Variants in IWS1 observed in about 807,000 individuals in gnomAD.
IWS1 encodes protein IWS1 homolog.
A neutral mutation model predicts 86.7 loss-of-function variants in IWS1; 27 were observed. That is an observed-to-expected ratio of 0.31 (90% CI 0.23 to 0.43). The LOEUF (loss-of-function observed/expected upper bound fraction) is 0.43. Ranked by LOEUF, IWS1 falls within the 20% of genes least tolerant of loss-of-function variation. The pLI is 1.00. For missense variants in IWS1, 827 were observed against 1,000.8 expected, an observed-to-expected ratio of 0.83 and a Z score of 2.34; for synonymous variants, 313 against 335.1, an observed-to-expected ratio of 0.93 and a Z score of 0.72.
Position 127,486,601 on chromosome 2 carries a change from C to G in IWS1, c.2280G>C (p.Lys760Asn). ...ARARVPMPSN[K>N]DYVVRPKWNV... The stretch of plus-strand genomic sequence containing the variant: ...TCCATTTGGGCCTGACAACATAGTC[C>G]TTGTTTGAAGGCATTGGGACCCTTG... The change falls in exon 13 of 14, where the codon AAG becomes AAC. Residue 760 changes from lysine to asparagine, a missense_variant. Physicochemically the swap from Lys to Asn is moderately conservative, Grantham distance 94. Coordinates refer to ENST00000295321, the MANE Select transcript of IWS1 (RefSeq NM_017969.3). 6.2e-7 allele frequency: 1 copy of G among 1,614,102 alleles called. No individual in the cohort carries two copies. The highest frequency in any genetic ancestry group is 8.5e-7 in the Non-Finnish European group (1 of 1,179,990).
At chr2:127,516,610 A>C (rs149722073) in intron 2 of IWS1, among the ~76,000 whole-genome samples, 10 of 152,170 alleles carry the variant, frequency 6.6e-5, no homozygotes, top group Non-Finnish European at 1.5e-4. Context: ...AAAATTTTAA[A>C]ATTAGCCAGG....
intron 13 of IWS1, among the ~76,000 whole-genome samples, chr2:127,484,980 G>A (rs1247765869): frequency 6.7e-6 from 1 of 149,542 alleles, no homozygotes; most frequent in African/African-American, 2.4e-5. Context: ...CTGGGCGACA[G>A]AGCAAGACTC....
At chr2:127,490,017 G>A (rs1690140771) in intron 10 of IWS1, 74 bp from the exon 11 acceptor site, 3 of 796,500 alleles carry the variant, frequency 3.8e-6, no homozygotes, top group Non-Finnish European at 6.7e-6. Context: ...TTGCACCCCA[G>A]TGTGAGGGGA....
intron 13 of IWS1, chr2:127,482,782 G>A (rs544292572): frequency 1.2e-4 from 19 of 152,226 alleles, no homozygotes; most frequent in Non-Finnish European, 2.4e-4. Context: ...ACAGACCAGA[G>A]TACCTCATAC....
intron 6 of IWS1, among the ~76,000 whole-genome samples, chr2:127,497,415 CT>C (rs1333569715): frequency 8.5e-5 from 13 of 152,302 alleles, no homozygotes; most frequent in Admixed American, 8.5e-4. Context: ...AAATAAACTG[CT>C]GCTTTTCAGT....
At chr2:127,498,081 A>G in intron 6 of IWS1, 59 bp downstream of exon 6, 1 of 1,311,196 alleles carries the variant, frequency 7.6e-7, no homozygotes. Flanking sequence ...AGAGAGTTTA[A>G]TAGTCTCTAC....
chr2:127,493,667 G>A (rs1469060796), intron 8 of IWS1, among the ~76,000 whole-genome samples: 2 of 151,572 alleles, frequency 1.3e-5, no homozygotes, highest in African/African-American at 4.9e-5. Context: ...AATTAATGCT[G>A]ATATGAATGG....
At position 127,502,863 on chromosome 2, in the gene IWS1, A is replaced by G; in HGVS notation, c.1419T>C (p.Ile473=). Residue 473 remains isoleucine (I), a synonymous_variant, in exon 5 of 14, where the codon ATT becomes ATC. Coordinates refer to ENST00000295321, the MANE Select transcript of IWS1 (RefSeq NM_017969.3). ...SESGNEEENL[I]ADIFGESGDE... Reference sequence around the variant, plus strand: ...CACCAGATTCTCCAAATATGTCTGCAATAAGATTTCTAGAAAGTAGACAAA... The same window carrying G: ...CACCAGATTCTCCAAATATGTCTGCGATAAGATTTCTAGAAAGTAGACAAA... 6.5e-7 allele frequency: 1 copy of G among 1,529,266 alleles called. No individual in the cohort carries two copies. Among genetic ancestry groups the G allele is most frequent in the Non-Finnish European group, 9.0e-7 (1 of 1,105,732 alleles). 94.7% of individuals were successfully genotyped at this position (1,529,266 alleles called of 1,614,324 possible). A position where few individuals can be genotyped will look rare whatever the true frequency, so the allele number is the denominator to read the frequency against.
chr2:127,495,922 T>G, intron 7 of IWS1, 76 bp downstream of exon 7: 1 of 1,295,162 alleles, frequency 7.7e-7, no homozygotes, highest in South Asian at 1.6e-5. Context: ...AGTTTAAGGG[T>G]TAAGTATCAA....
chr2:127,486,142 T>C (rs1056636713), intron 13 of IWS1: 2 of 175,370 alleles, frequency 1.1e-5, no homozygotes, highest in Admixed American at 5.4e-5. Flanking sequence ...CCCTAATCAT[T>C]TGCAATGGAA....
At chr2:127,492,179 G>C in intron 9 of IWS1, 91 bp from the exon 10 acceptor site, 1 of 745,252 alleles carries the variant, frequency 1.3e-6, no homozygotes, top group Non-Finnish European at 2.3e-6. Context: ...ATTCACAACA[G>C]AACAAATAAA....
chr2:127,505,449 C>T lies in IWS1; in HGVS notation c.454G>A (p.Gly152Arg). 1.9e-6 allele frequency: 3 copies of T among 1,614,064 alleles called. No homozygotes were observed. Among genetic ancestry groups the T allele is most frequent in the Non-Finnish European group, 2.5e-6 (3 of 1,180,012 alleles). ...HASDSENEDV[G>R]KHPASDSEIE... The stretch of plus-strand genomic sequence containing the variant: ...TCAGAATCACTGGCGGGATGCTTCC[C>T]AACATCTTCGTTTTCTGAGTCACTT... The change falls in exon 3 of 14, where the codon GGG becomes AGG. Residue 152 changes from glycine to arginine, a missense_variant. This residue lies in a region of IWS1 where 548 missense variants were observed against 560.2 expected (regional missense o/e 0.98). Transcript: ENST00000295321. The surrounding 1 kb of genome is among the most constrained non-coding windows in gnomAD (Gnocchi z 5.0).
In IWS1 at chr2:127,517,726, A is replaced by C. The variant is rs1691851001; in HGVS notation, c.150+5950T>G. 3.3e-5 allele frequency among the ~76,000 whole-genome samples: 5 copies of C among 152,228 alleles called. No homozygotes were observed. In the South Asian group the frequency reaches 1.0e-3, roughly 32 times the overall value. Reference sequence around the variant, plus strand: ...GCCAGCAATTACCTCCCTAGGAATAAACCCAGGAGAACTGAAAACATATGT... The same window carrying C: ...GCCAGCAATTACCTCCCTAGGAATACACCCAGGAGAACTGAAAACATATGT... On this transcript the variant is annotated intron_variant, in intron 2 of 13. Coordinates refer to ENST00000295321, the MANE Select transcript of IWS1 (RefSeq NM_017969.3).
intron 13 of IWS1, 35 bp from the exon 14 acceptor site, chr2:127,481,210 T>C: frequency 6.4e-7 from 1 of 1,573,492 alleles, no homozygotes; most frequent in Non-Finnish European, 8.6e-7. Context: ...AGCAAACTAC[T>C]GAAATACGTA....
chr2:127,521,528 T>C (rs1461961250), intron 2 of IWS1, among the ~76,000 whole-genome samples: 1 of 152,218 alleles, frequency 6.6e-6, no homozygotes, highest in Non-Finnish European at 1.5e-5. Flanking sequence ...ACATCTAATC[T>C]ACCAAACATC....
intron 8 of IWS1, among the ~76,000 whole-genome samples, chr2:127,494,282 AAGTT>A (rs1382432913): frequency 6.6e-6 from 1 of 151,186 alleles, no homozygotes; most frequent in Non-Finnish European, 1.5e-5. Flanking sequence ...TCAATGAAAA[AAGTT>A]AGAAACAAGG....
chr2:127,483,571 C>CGGGGGGGGGGGGGGGGGGGG (rs1419283644), intron 13 of IWS1, among the ~76,000 whole-genome samples: 3 of 20,174 alleles, frequency 1.5e-4, no homozygotes, highest in African/African-American at 4.9e-4. Context: ...ATAATTTGGT[C>CGGGGGGGGGGGGGGGGGGGG]GGGGCGGGGG....
At chr2:127,507,466 A>G (rs1465204196) in intron 2 of IWS1, among the ~76,000 whole-genome samples, 3 of 152,226 alleles carry the variant, frequency 2.0e-5, no homozygotes, top group African/African-American at 4.8e-5. Context: ...TGGGCACTCA[A>G]CACAGTACTG....
upstream of IWS1, chr2:127,526,744 A>G (rs1573583822): frequency 1.7e-6 from 2 of 1,184,312 alleles, no homozygotes; most frequent in Middle Eastern, 2.2e-4. Context: ...CTTTTGAGAT[A>G]CTCTTCCGAA....
Sources: allele counts gnomAD v4.1 joint callset (sites outside exome capture counted in the v4.1 genomes callset), GRCh38; gene constraint gnomAD v4.1.1; regional missense constraint gnomAD v4.1.1; non-coding constraint Gnocchi (gnomAD v3.1); transcripts MANE v1.5; gene names NCBI Gene and HGNC (gene_info 2026-07-23, HGNC 2026-07-21).